Variants in WASHC2A observed in about 807,000 individuals in gnomAD.
WASHC2A encodes WASH complex subunit FAM21A.
WASHC2A carries 82 observed loss-of-function variants against 140.3 expected under a neutral mutation model. The observed-to-expected ratio is 0.58, with a 90% CI of 0.49 to 0.70. WASHC2A has a LOEUF of 0.70. Ranked by LOEUF, WASHC2A falls within the 30% of genes least tolerant of loss-of-function variation. The pLI is 0.00. For missense variants in WASHC2A, 985 were observed against 1,521.8 expected, an observed-to-expected ratio of 0.65 and a Z score of 5.87; for synonymous variants, 340 against 560.8, an observed-to-expected ratio of 0.61 and a Z score of 5.56.
chr10:50,079,726 G>A (rs1294915852), intron 4 of WASHC2A, among the ~76,000 whole-genome samples: 1 of 152,176 alleles, frequency 6.6e-6, no homozygotes, highest in African/African-American at 2.4e-5. Context: ...TAGAACTCAA[G>A]GATTTGCTAG....
At position 50,120,645 on chromosome 10, in the gene WASHC2A, G is replaced by T. The variant is rs1285530992; in HGVS notation, c.2478+876G>T. On this transcript the variant is annotated intron_variant, in intron 23 of 30. Coordinates refer to ENST00000282633, the MANE Select transcript of WASHC2A (RefSeq NM_001005751.3). Reference sequence around the variant, plus strand: ...AAAAAAAAAAAAAAAAAAAATAGATGATGGTCATTCTGTGAGGTTAGTATG... The same window carrying T: ...AAAAAAAAAAAAAAAAAAAATAGATTATGGTCATTCTGTGAGGTTAGTATG... Among the ~76,000 whole-genome samples, 1,068 of 141,864 alleles carry T rather than the reference G, an allele frequency of 7.5e-3. 20 individuals carry two copies. The highest frequency in any genetic ancestry group is 0.035 in the Middle Eastern group (10 of 288). The allele number at this position is 141,864 out of a possible 152,430, so 93.1% of individuals were successfully genotyped here.
chr10:50,106,527 A>G (rs1413376515), intron 19 of WASHC2A, 62 bp downstream of exon 19: 1 of 1,598,386 alleles, frequency 6.3e-7, no homozygotes, highest in African/African-American at 1.4e-5. Context: ...AGTTAAAGCC[A>G]TCCCAAGTCT....
At chr10:50,103,113 A>T (rs1197580084) in intron 17 of WASHC2A, among the ~76,000 whole-genome samples, 1 of 151,238 alleles carries the variant, frequency 6.6e-6, no homozygotes, top group Non-Finnish European at 1.5e-5. Flanking sequence ...GCCTCCCAAA[A>T]TGCTGGGATT....
At chr10:50,112,194 C>T (rs1171946525) in intron 20 of WASHC2A, 1 of 979,716 alleles carries the variant, frequency 1.0e-6, no homozygotes, top group African/African-American at 1.8e-5. Flanking sequence ...CCACCCCACA[C>T]AAGGTCATAA....
chr10:50,125,970 G>C, intron 25 of WASHC2A, 87 bp from the exon 26 acceptor site: 1 of 1,561,908 alleles, frequency 6.4e-7, no homozygotes, highest in Non-Finnish European at 8.7e-7. Flanking sequence ...TTAAGACTCA[G>C]AAGCCAGGAT....
At chr10:50,114,682 C>T (rs1842552197) in intron 21 of WASHC2A, among the ~76,000 whole-genome samples, 1 of 69,296 alleles carries the variant, frequency 1.4e-5, no homozygotes, top group African/African-American at 6.1e-5. Context: ...GAATGGGGAA[C>T]TTCATACTCT....
Position 50,127,880 on chromosome 10 carries a change from C to T in WASHC2A, c.3087+85C>T, listed in dbSNP as rs946029157. 65 of 1,251,008 alleles carry T rather than the reference C, an allele frequency of 5.2e-5. No individual in the cohort carries two copies. The African/African-American group carries it at 9.3e-4, about 18-fold the overall frequency. The allele number at this position is 1,251,008 out of a possible 1,614,324, so 77.5% of individuals were successfully genotyped here. The stretch of plus-strand genomic sequence containing the variant: ...CTTTCTAGTTTATCAGTTGCATACA[C>T]AGCAGTCTTTGACTCTCCTTTTGAA... On this transcript the variant is annotated intron_variant, in intron 28 of 30. Coordinates refer to ENST00000282633, the MANE Select transcript of WASHC2A (RefSeq NM_001005751.3).
chr10:50,082,462 G>T (rs1838990067), intron 5 of WASHC2A, among the ~76,000 whole-genome samples: 1 of 143,326 alleles, frequency 7.0e-6, no homozygotes, highest in Non-Finnish European at 1.5e-5. Context: ...CTGTGCAAGG[G>T]TGGAGCACTT....
chr10:50,128,511 C>G (rs1461142949), intron 28 of WASHC2A, among the ~76,000 whole-genome samples: 2 of 152,210 alleles, frequency 1.3e-5, no homozygotes, highest in African/African-American at 4.8e-5. Context: ...TCCAGTCTCC[C>G]TTCTCTAGAA....
At chr10:50,132,597 G>A (rs2133146596) in intron 30 of WASHC2A, among the ~76,000 whole-genome samples, 1 of 152,276 alleles carries the variant, frequency 6.6e-6, no homozygotes, top group South Asian at 2.1e-4. Flanking sequence ...TGAAGAAATT[G>A]TGCTCCAAGA....
chr10:50,090,515 A>AAAAAATATATATATATATAT (rs1214596899), intron 8 of WASHC2A, among the ~76,000 whole-genome samples: 9 of 108,732 alleles, frequency 8.3e-5, no homozygotes, highest in African/African-American at 2.9e-4. Flanking sequence ...AAAAAAAAAA[A>AAAAAATATATATATATATAT]ATATATATAT....
chr10:50,069,663 T>C lies in WASHC2A; in HGVS notation c.243T>C (p.Asn81=). 6.2e-7 allele frequency: 1 copy of C among 1,614,014 alleles called. No individual in the cohort carries two copies. Among genetic ancestry groups the C allele is most frequent in the Non-Finnish European group, 8.5e-7 (1 of 1,179,874 alleles). The part of the protein sequence containing the change: ...ETKATDCRLH[N]VFNDFLMLSN... ...AAGCCACAGATTGTCGCCTGCATAA[T>C]GTCTTCAATGACTTCCTTATGCTCT... The change falls in exon 3 of 31, where the codon AAT becomes AAC. Residue 81 remains asparagine, a synonymous_variant. Transcript: ENST00000282633.
intron 16 of WASHC2A, among the ~76,000 whole-genome samples, chr10:50,098,654 T>C (rs2122422): frequency 0.37 from 24,569 of 67,242 alleles, 5,222 homozygotes; most frequent in East Asian, 0.54. Flanking sequence ...ACTCAGGATT[T>C]GGACAGTGTG....
intron 3 of WASHC2A, among the ~76,000 whole-genome samples, chr10:50,072,376 G>GT (rs1357752498): frequency 6.6e-6 from 1 of 150,760 alleles, no homozygotes; most frequent in South Asian, 2.1e-4. Flanking sequence ...CATGCTATAG[G>GT]TTTTTTTAAT....
chr10:50,131,854 A>G (rs1844004212), intron 30 of WASHC2A, among the ~76,000 whole-genome samples: 2 of 152,248 alleles, frequency 1.3e-5, no homozygotes, highest in South Asian at 2.1e-4. Context: ...TATTTTAAAT[A>G]CAAAAAAAGT....
chr10:50,077,171 G>A (rs1156888808), intron 3 of WASHC2A, among the ~76,000 whole-genome samples: 30 of 151,758 alleles, frequency 2.0e-4, no homozygotes, highest in Non-Finnish European at 2.2e-4. Flanking sequence ...GTGCCCGCCT[G>A]TAATCCCAAC....
chr10:50,133,062 A>G lies in WASHC2A; in HGVS notation c.*117A>G. The G allele has an allele frequency of 6.3e-7, 1 of 1,586,744 alleles. No individual in the cohort carries two copies. Among genetic ancestry groups the G allele is most frequent in the Admixed American group, 1.7e-5 (1 of 57,928 alleles). On this transcript the variant is annotated 3_prime_UTR_variant, in exon 31 of 31. Coordinates refer to ENST00000282633, the MANE Select transcript of WASHC2A (RefSeq NM_001005751.3). ...AAGCAAATACTAGAACAGCTAGCTC[A>G]TCGTTCACCCAATGTACTTGGTATT...
At chr10:50,131,537 T>G (rs1466750894) in intron 30 of WASHC2A, among the ~76,000 whole-genome samples, 3 of 152,168 alleles carry the variant, frequency 2.0e-5, no homozygotes, top group Non-Finnish European at 4.4e-5. Context: ...AGGCTCTACC[T>G]CAGGCGTTGC....
intron 16 of WASHC2A, among the ~76,000 whole-genome samples, chr10:50,098,161 G>A (rs1268660547): frequency 4.1e-4 from 62 of 151,438 alleles, no homozygotes; most frequent in Middle Eastern, 3.4e-3. Flanking sequence ...CCATATAAGC[G>A]CAATGCCATT....
Sources: gnomAD v4.1 joint callset for allele counts (sites outside exome capture counted in the v4.1 genomes callset) on GRCh38, gnomAD v4.1.1 for gene constraint, MANE v1.5 for transcripts, NCBI Gene and HGNC (gene_info 2026-07-23, HGNC 2026-07-21) for gene names.